Variants in KIAA1671 observed in about 807,000 individuals in gnomAD.
KIAA1671 encodes uncharacterized protein KIAA1671.
A neutral mutation model predicts 131.2 loss-of-function variants in KIAA1671; 52 were observed. The observed-to-expected ratio is 0.40, with a 90% CI of 0.32 to 0.50. KIAA1671 has a LOEUF of 0.50. KIAA1671 is among the 20% of genes least tolerant of loss of function. The pLI, the probability that KIAA1671 is intolerant of heterozygous loss-of-function variation, is 0.73. For missense variants in KIAA1671, 2,360 were observed against 2,364.2 expected (o/e 1.00, Z 0.04); for synonymous variants, 1,003 against 961.6 (o/e 1.04, Z -0.80).
intron 6 of KIAA1671, chr22:25,053,124 G>A (rs1165978336): frequency 6.6e-6 from 1 of 152,206 alleles, no homozygotes; most frequent in Non-Finnish European, 1.5e-5. Flanking sequence ...TGCAGTTGAG[G>A]AGACAGGCCC....
intron 6 of KIAA1671, among the ~76,000 whole-genome samples, chr22:25,119,276 C>T (rs1931824970): frequency 6.6e-6 from 1 of 152,114 alleles, no homozygotes; most frequent in African/African-American, 2.4e-5. Context: ...CTGGTGTACA[C>T]CTCTTAAGAG....
intron 1 of KIAA1671, among the ~76,000 whole-genome samples, chr22:24,993,604 TC>T (rs530364222): frequency 2.5e-4 from 38 of 152,296 alleles, no homozygotes; most frequent in African/African-American, 7.9e-4. Flanking sequence ...CATGCTACTG[TC>T]TTTGTCTTGG....
rs1934727656 is a variant in KIAA1671 at position 25,193,335 on chromosome 22, G to A, written c.*934G>A. 1 of 152,192 alleles carries A rather than the reference G, an allele frequency of 6.6e-6. No homozygotes were observed. The highest frequency in any genetic ancestry group is 1.5e-5 in the Non-Finnish European group (1 of 68,042). 9.4% of individuals were successfully genotyped at this position (152,192 alleles called of 1,614,324 possible). ...TGGCCTTAAGGGTTCATAAACTGCA[G>A]CCCAAGTGGTGGTGCCTTTGCTTAT... is the stretch of plus-strand genomic sequence containing the variant. On this transcript the variant is annotated 3_prime_UTR_variant, in exon 13 of 13. Coordinates refer to ENST00000358431, the MANE Select transcript of KIAA1671 (RefSeq NM_001145206.2).
At chr22:24,981,086 GTGTT>G (rs1383246217) in intron 1 of KIAA1671, among the ~76,000 whole-genome samples, 2 of 151,526 alleles carry the variant, frequency 1.3e-5, no homozygotes, top group African/African-American at 4.9e-5. Flanking sequence ...GTGTGTGTGT[GTGTT>G]TTTACTGTAT....
chr22:24,981,947 G>A (rs1923257078), intron 1 of KIAA1671, among the ~76,000 whole-genome samples: 1 of 152,152 alleles, frequency 6.6e-6, no homozygotes, highest in African/African-American at 2.4e-5. Context: ...TATGGCACCT[G>A]GCCTGGGAGG....
chr22:25,160,747 A>G (rs1402334460), intron 6 of KIAA1671, among the ~76,000 whole-genome samples: 2 of 152,106 alleles, frequency 1.3e-5, no homozygotes, highest in Non-Finnish European at 2.9e-5. Flanking sequence ...CCACACCTAC[A>G]TTGTTGTCCT....
At chr22:25,161,129 TCTC>T (rs1342030618) in intron 6 of KIAA1671, among the ~76,000 whole-genome samples, 2 of 151,844 alleles carry the variant, frequency 1.3e-5, no homozygotes, top group Non-Finnish European at 2.9e-5. Context: ...TAACTTTCCT[TCTC>T]CTTCTTTCTT....
At chr22:25,042,305 A>G (rs2145809331) in intron 5 of KIAA1671, among the ~76,000 whole-genome samples, 1 of 152,308 alleles carries the variant, frequency 6.6e-6, no homozygotes, top group East Asian at 1.9e-4. Context: ...GCTGTATAAT[A>G]GCCTGTTGTA....
intron 6 of KIAA1671, among the ~76,000 whole-genome samples, chr22:25,111,390 C>T (rs1931336195): frequency 6.6e-6 from 1 of 152,200 alleles, no homozygotes; most frequent in African/African-American, 2.4e-5. Flanking sequence ...AAAATGGGGG[C>T]GGACGTCAGC....
chr22:25,039,528 T>C lies in KIAA1671; in HGVS notation c.2398T>C (p.Trp800Arg). ...GTCCGTCCAAAGGGCCAGTTTGATT[T>C]GGGAAGCTCGAGGCATGCCTGAGGC... ...AGSVQRASLI[W>R]EARGMPEASG... Residue 800 changes from tryptophan (W) to arginine (R), a missense_variant, in exon 5 of 13, where the codon TGG (tryptophan) becomes CGG (arginine). Physicochemically the swap from Trp to Arg is moderately radical, Grantham distance 101. Around this residue, in one of 3 missense-constraint regions of KIAA1671, gnomAD observed 1,185 missense variants for 1,126.2 expected, o/e 1.05. Transcript: ENST00000358431. 6.4e-7 allele frequency: 1 copy of C among 1,551,814 alleles called. No homozygotes were observed. The highest frequency in any genetic ancestry group is 8.7e-7 in the Non-Finnish European group (1 of 1,147,010).
At position 24,979,354 on chromosome 22, in the gene KIAA1671, A is replaced by ATTT. The variant is rs577953925; in HGVS notation, c.-208+26583_-208+26585dup. 7.6e-4 allele frequency among the ~76,000 whole-genome samples: 90 copies of ATTT among 117,840 alleles called. 1 individual carries two copies. The highest frequency in any genetic ancestry group is 5.1e-4 in the South Asian group (2 of 3,920). 77.3% of individuals were successfully genotyped at this position (117,840 alleles called of 152,430 possible). A position where few individuals can be genotyped will look rare whatever the true frequency, so the allele number is the denominator to read the frequency against. On this transcript the variant is annotated intron_variant, in intron 1 of 12. Coordinates refer to ENST00000358431, the MANE Select transcript of KIAA1671 (RefSeq NM_001145206.2). ...ATTTATTTTATTTATTTATTTATTT[A>ATTT]TTTATTTTTTTTTGAGACGGAGTCT...
chr22:25,006,056 C>T (rs532706065), intron 1 of KIAA1671, among the ~76,000 whole-genome samples: 16 of 152,092 alleles, frequency 1.1e-4, no homozygotes, highest in African/African-American at 3.6e-4. Context: ...TTTTGAGATG[C>T]AGTCTCACTC....
chr22:25,179,434 G>A, intron 9 of KIAA1671: 1 of 1,613,332 alleles, frequency 6.2e-7, no homozygotes, highest in Non-Finnish European at 8.5e-7. Context: ...AGCTCCATTT[G>A]TAGTTGAGCT....
intron 1 of KIAA1671, among the ~76,000 whole-genome samples, chr22:24,997,216 AAC>A (rs1452165095): frequency 6.6e-6 from 1 of 152,186 alleles, no homozygotes; most frequent in African/African-American, 2.4e-5. Context: ...GTCACAAAGA[AAC>A]AGAGAGTTCT....
chr22:25,181,909 G>A, intron 10 of KIAA1671, 86 bp downstream of exon 10: 2 of 1,440,346 alleles, frequency 1.4e-6, no homozygotes, highest in Admixed American at 4.4e-5. Flanking sequence ...TGGGTGCAGT[G>A]GCTCACGCCT....
At chr22:25,109,305 T>C (rs1047285070) in intron 6 of KIAA1671, among the ~76,000 whole-genome samples, 52 of 152,082 alleles carry the variant, frequency 3.4e-4, no homozygotes, top group African/African-American at 1.2e-3. Context: ...AGACGGGGTT[T>C]CACCATGTTG....
At chr22:25,041,621 C>T (rs1926928558) in intron 5 of KIAA1671, 96 bp downstream of exon 5, 3 of 1,291,408 alleles carry the variant, frequency 2.3e-6, no homozygotes, top group African/African-American at 1.5e-5. Context: ...ACTTTGGGTA[C>T]ATAAATGAGT....
chr22:25,028,746 G>T lies in KIAA1671; in HGVS notation c.747G>T (p.Glu249Asp). Residue 249 changes from glutamate to aspartate, a missense_variant, in exon 3 of 13, where the codon GAG becomes GAT. By Grantham distance (45) the Glu-to-Asp change is conservative. This residue lies in a region of KIAA1671 where 1,185 missense variants were observed against 1,126.2 expected (regional missense o/e 1.05). Transcript: ENST00000358431. ...KRRPVSAIFT[E>D]SIQPQKPGPG... The stretch of plus-strand genomic sequence containing the variant: ...GGCCCGTGTCTGCCATTTTCACGGA[G>T]TCCATTCAGCCTCAGAAGCCAGGCC... The T allele has an allele frequency of 6.4e-7, 1 of 1,551,308 alleles. No individual in the cohort carries two copies. Among genetic ancestry groups the T allele is most frequent in the African/African-American group, 1.4e-5 (1 of 73,196 alleles).
chr22:24,997,694 G>A (rs1212353434), intron 1 of KIAA1671, among the ~76,000 whole-genome samples: 1 of 151,940 alleles, frequency 6.6e-6, no homozygotes, highest in Non-Finnish European at 1.5e-5. Flanking sequence ...AGCACCTGGA[G>A]GCCACTCGAA....
Sources: gnomAD v4.1 joint callset for allele counts (sites outside exome capture counted in the v4.1 genomes callset) on GRCh38, gnomAD v4.1.1 for gene constraint, gnomAD v4.1.1 regional missense constraint, MANE v1.5 for transcripts, NCBI Gene and HGNC (gene_info 2026-07-23, HGNC 2026-07-21) for gene names.